Variants in TOM1L1 observed in about 807,000 individuals in gnomAD.
TOM1L1 encodes the protein target of myb1 like 1 membrane trafficking protein, also known as TOM1-like protein 1.
In TOM1L1, 64 loss-of-function variants were observed where a neutral mutation model predicts 63.4. That is an observed-to-expected ratio of 1.01 (90% CI 0.83 to 1.24). The LOEUF is 1.24. TOM1L1 is among the 50% of genes most tolerant of loss of function. TOM1L1 has a pLI of 0.00. For missense variants in TOM1L1, 536 were observed against 567.0 expected (o/e 0.95, Z 0.55); for synonymous variants, 166 against 194.4 (o/e 0.85, Z 1.22).
chr17:54,936,743 T>C (rs1218292989), intron 9 of TOM1L1, 34 bp downstream of exon 9: 1 of 1,570,900 alleles, frequency 6.4e-7, no homozygotes, highest in East Asian at 2.2e-5. Flanking sequence ...AATAAACAAT[T>C]GAACATTTTG....
intron 14 of TOM1L1, chr17:54,952,570 A>T (rs2049290772): frequency 6.9e-6 from 1 of 145,850 alleles, no homozygotes; most frequent in Non-Finnish European, 1.5e-5. Context: ...AAAAAAAAAT[A>T]TGGCTGCTGA....
intron 8 of TOM1L1, among the ~76,000 whole-genome samples, chr17:54,931,722 G>T (rs901731888): frequency 6.6e-6 from 1 of 152,096 alleles, no homozygotes; most frequent in African/African-American, 2.4e-5. Context: ...AGCATCTCTT[G>T]AGCCCAGGAG....
At chr17:54,924,610 G>A (rs1442846501) in intron 7 of TOM1L1, among the ~76,000 whole-genome samples, 2 of 152,054 alleles carry the variant, frequency 1.3e-5, no homozygotes, top group African/African-American at 2.4e-5. Context: ...TTATTCACCT[G>A]GCACTCACAG....
In TOM1L1 at chr17:54,914,724, T is replaced by C. The variant is rs2048558704; in HGVS notation, c.584T>C (p.Val195Ala). 5.6e-6 allele frequency: 9 copies of C among 1,612,712 alleles called. No individual in the cohort carries two copies. Among genetic ancestry groups the C allele is most frequent in the African/African-American group, 2.7e-5 (2 of 74,860 alleles). Residue 195 changes from valine (V) to alanine (A), a missense_variant, in exon 6 of 16, where the codon GTT (valine) becomes GCT (alanine). Transcript: ENST00000575882. ...SSVIAPKNST[V>A]TLVPEQIGKL... ...GTAATTGCTCCAAAGAACTCGACTG[T>C]TACATTGGTCCCAGAACAGGTAACA...
At chr17:54,935,326 G>A (rs1035039912) in intron 8 of TOM1L1, among the ~76,000 whole-genome samples, 2 of 152,120 alleles carry the variant, frequency 1.3e-5, no homozygotes, top group African/African-American at 2.4e-5. Context: ...AATTTCACAA[G>A]GTAATGTCAT....
At chr17:54,943,002 G>T (rs570426794) in intron 11 of TOM1L1, among the ~76,000 whole-genome samples, 3 of 152,094 alleles carry the variant, frequency 2.0e-5, no homozygotes. Context: ...TCATGCATTC[G>T]GCTATGTTGG....
chr17:54,901,844 T>C (rs1043922201), intron 1 of TOM1L1, among the ~76,000 whole-genome samples: 1 of 152,100 alleles, frequency 6.6e-6, no homozygotes, highest in African/African-American at 2.4e-5. Context: ...AGTTTACACA[T>C]CCTTATAAGA....
chr17:54,910,420 C>A lies in TOM1L1; in HGVS notation c.223-2246C>A, dbSNP rs1255636689. Among the ~76,000 whole-genome samples the A allele has an allele frequency of 3.3e-5, 5 of 152,202 alleles. No homozygotes were observed. In the East Asian group the frequency reaches 9.6e-4, roughly 29 times the overall value. ...GCAGTGAGTCGAGATTGCGCCACTGCACTCCAGCCTAGGTGACAGAGTGAG... is the reference window on the plus strand; with the variant it reads ...GCAGTGAGTCGAGATTGCGCCACTGAACTCCAGCCTAGGTGACAGAGTGAG... On this transcript the variant is annotated intron_variant, in intron 3 of 15. Transcript: ENST00000575882.
At chr17:54,912,204 A>G (rs892473344) in intron 3 of TOM1L1, among the ~76,000 whole-genome samples, 1 of 152,076 alleles carries the variant, frequency 6.6e-6, no homozygotes, top group Non-Finnish European at 1.5e-5. Context: ...CTAAATAATC[A>G]CTCTTGCCTA....
chr17:54,961,056 A>G (rs2144116443), intron 15 of TOM1L1, 179 bp from the exon 16 acceptor site: 1 of 610,394 alleles, frequency 1.6e-6, no homozygotes, highest in South Asian at 2.0e-5. Flanking sequence ...ATGGTCACCA[A>G]TGAACTATCA....
At chr17:54,950,662 CTT>C (rs948010868) in intron 14 of TOM1L1, among the ~76,000 whole-genome samples, 1 of 152,198 alleles carries the variant, frequency 6.6e-6, no homozygotes, top group Non-Finnish European at 1.5e-5. Flanking sequence ...CTTTAATATA[CTT>C]TGAGTGACTG....
intron 7 of TOM1L1, among the ~76,000 whole-genome samples, chr17:54,918,233 T>G (rs2048624333): frequency 6.6e-6 from 1 of 152,214 alleles, no homozygotes. Context: ...CTTGCTCTCT[T>G]TTATGCTGTC....
intron 8 of TOM1L1, 73 bp downstream of exon 8, chr17:54,930,279 CAG>C (rs1354221317): frequency 6.3e-7 from 1 of 1,590,180 alleles, no homozygotes; most frequent in Non-Finnish European, 8.6e-7. Context: ...GCATTCTTAT[CAG>C]AGTGCCTACA....
intron 2 of TOM1L1, 39 bp from the exon 3 acceptor site, chr17:54,905,450 A>T (rs752300734): frequency 1.3e-5 from 18 of 1,356,758 alleles, no homozygotes; most frequent in East Asian, 2.3e-5. Flanking sequence ...GTTTTCAGCA[A>T]TGCCTAAATT....
chr17:54,927,806 T>C (rs2143844111), intron 7 of TOM1L1, among the ~76,000 whole-genome samples: 1 of 152,248 alleles, frequency 6.6e-6, no homozygotes, highest in Admixed American at 6.5e-5. Context: ...ATTGCAAAGA[T>C]GAGAGTGGGC....
intron 11 of TOM1L1, among the ~76,000 whole-genome samples, chr17:54,939,551 C>T (rs1467615550): frequency 6.6e-6 from 1 of 152,042 alleles, no homozygotes; most frequent in African/African-American, 2.4e-5. Flanking sequence ...CTAATCTTCA[C>T]TAAAGTACTT....
At chr17:54,923,651 T>C (rs1209409777) in intron 7 of TOM1L1, among the ~76,000 whole-genome samples, 1 of 151,912 alleles carries the variant, frequency 6.6e-6, no homozygotes, top group Non-Finnish European at 1.5e-5. Flanking sequence ...ATTTGAGCAA[T>C]TCTCCTGTCT....
chr17:54,924,279 T>C (rs2048732145), intron 7 of TOM1L1, among the ~76,000 whole-genome samples: 3 of 128,314 alleles, frequency 2.3e-5, no homozygotes, highest in Admixed American at 1.5e-4. Flanking sequence ...TTCTTTTCTT[T>C]TTTCTTTTTT....
chr17:54,922,154 A>G (rs1001363419), intron 7 of TOM1L1, among the ~76,000 whole-genome samples: 4 of 152,104 alleles, frequency 2.6e-5, no homozygotes, highest in Non-Finnish European at 5.9e-5. Context: ...TTAGCCAGGT[A>G]TGGTGGTGGG....
Sources: gnomAD v4.1 joint callset for allele counts (sites outside exome capture counted in the v4.1 genomes callset) on GRCh38, gnomAD v4.1.1 for gene constraint, MANE v1.5 for transcripts, NCBI Gene and HGNC (gene_info 2026-07-23, HGNC 2026-07-21) for gene names.